Variants in SLC38A12 observed in about 807,000 individuals in gnomAD.
SLC38A12 encodes the protein solute carrier family 38 member 12.
the SLC38A12 span, chr17:74,838,589 A>C: frequency 1.6e-5 from 20 of 1,238,906 alleles, no homozygotes; most frequent in Middle Eastern, 3.3e-4. Context: ...CCTGGAGGGA[A>C]CTGGCCAGCA....
chr17:74,806,394 C>A, the SLC38A12 span, among the ~76,000 whole-genome samples: 1 of 152,180 alleles, frequency 6.6e-6, no homozygotes, highest in African/African-American at 2.4e-5. Flanking sequence ...TAATGCCGTG[C>A]ACCCATCCCC....
chr17:74,831,854 G>A, the SLC38A12 span, among the ~76,000 whole-genome samples: 1 of 152,258 alleles, frequency 6.6e-6, no homozygotes, highest in Admixed American at 6.5e-5. Flanking sequence ...CTTGGCGGCT[G>A]TGGCTGAGCC....
chr17:74,805,162 G>T, the SLC38A12 span, among the ~76,000 whole-genome samples: 1 of 152,258 alleles, frequency 6.6e-6, no homozygotes, highest in Non-Finnish European at 1.5e-5. The surrounding 1 kb of genome is among the most constrained non-coding windows in gnomAD (Gnocchi z 5.0). Context: ...GTCTCCCGGG[G>T]AGAGGCCTAC....
At chr17:74,838,656 T>A in the SLC38A12 span, 1 of 1,397,182 alleles carries the variant, frequency 7.2e-7, no homozygotes, top group South Asian at 1.5e-5. Context: ...GTCTAGCTGC[T>A]TTGCTCCTCA....
At chr17:74,780,046 G>A in the SLC38A12 span, among the ~76,000 whole-genome samples, 2 of 152,216 alleles carry the variant, frequency 1.3e-5, no homozygotes, top group South Asian at 4.1e-4. Context: ...AACTGAAGTG[G>A]TTGTTGTGTG....
At chr17:74,787,750 C>T in the SLC38A12 span, among the ~76,000 whole-genome samples, 1 of 151,810 alleles carries the variant, frequency 6.6e-6, no homozygotes, top group Non-Finnish European at 1.5e-5. Context: ...CCTCCGTTAA[C>T]AAAAGCATTC....
chr17:74,830,547 A>G, the SLC38A12 span, among the ~76,000 whole-genome samples: 1 of 152,178 alleles, frequency 6.6e-6, no homozygotes, highest in Non-Finnish European at 1.5e-5. Flanking sequence ...TTATAAGAAC[A>G]TATCTTGATG....
chr17:74,815,149 C>T, the SLC38A12 span, among the ~76,000 whole-genome samples: 2 of 152,124 alleles, frequency 1.3e-5, no homozygotes, highest in Non-Finnish European at 1.5e-5. Flanking sequence ...GTTTCCTCAT[C>T]AGTAAGATGA....
At chr17:74,839,361 C>T in the SLC38A12 span, 12 of 517,232 alleles carry the variant, frequency 2.3e-5, 1 homozygote, top group East Asian at 1.1e-4. Flanking sequence ...TCCTGGAAAG[C>T]CACTGCAGAG....
chr17:74,826,671 C>G, the SLC38A12 span, among the ~76,000 whole-genome samples: 4 of 152,062 alleles, frequency 2.6e-5, no homozygotes, highest in Non-Finnish European at 5.9e-5. Flanking sequence ...CCAAAGGGAG[C>G]TCCTCCCAGG....
At chr17:74,811,177 A>C in the SLC38A12 span, among the ~76,000 whole-genome samples, 1 of 152,118 alleles carries the variant, frequency 6.6e-6, no homozygotes, top group Admixed American at 6.5e-5. Context: ...AAAAAATACA[A>C]AAATTAGCGA....
At chr17:74,789,639 A>T in the SLC38A12 span, among the ~76,000 whole-genome samples, 1 of 151,052 alleles carries the variant, frequency 6.6e-6, no homozygotes, top group South Asian at 2.1e-4. Context: ...TGAGGTCAGG[A>T]GTTCAAGACC....
At chr17:74,785,557 G>A in the SLC38A12 span, 29 of 1,614,124 alleles carry the variant, frequency 1.8e-5, no homozygotes, top group Non-Finnish European at 1.9e-5. Flanking sequence ...CGCCACTGCC[G>A]GGTGGCTTGT....
At chr17:74,799,135 C>T in the SLC38A12 span, among the ~76,000 whole-genome samples, 1 of 152,264 alleles carries the variant, frequency 6.6e-6, no homozygotes, top group African/African-American at 2.4e-5. Flanking sequence ...CATCCCTCCT[C>T]CTAGAGAGAG....
the SLC38A12 span, chr17:74,839,435 CA>C: frequency 3.4e-6 from 1 of 292,440 alleles, no homozygotes; most frequent in Non-Finnish European, 6.5e-6. Context: ...GGCAGATTCC[CA>C]AGCAAGGGTG....
chr17:74,807,635 T>G, the SLC38A12 span, among the ~76,000 whole-genome samples: 1 of 152,314 alleles, frequency 6.6e-6, no homozygotes, highest in South Asian at 2.1e-4. Flanking sequence ...ACTTCTGTCT[T>G]TGGGGGGCAG....
chr17:74,791,928 C>T, the SLC38A12 span, among the ~76,000 whole-genome samples: 95 of 151,444 alleles, frequency 6.3e-4, 1 homozygote, highest in African/African-American at 1.9e-3. Context: ...AGGCGGCTCA[C>T]GAGGTGAGGA....
the SLC38A12 span, among the ~76,000 whole-genome samples, chr17:74,815,625 CAG>C: frequency 1.1e-4 from 17 of 152,198 alleles, no homozygotes; most frequent in Admixed American, 5.9e-4. Flanking sequence ...CAGAAGCACG[CAG>C]AGTCGGAGCC....
At chr17:74,816,228 G>T in the SLC38A12 span, among the ~76,000 whole-genome samples, 1 of 152,234 alleles carries the variant, frequency 6.6e-6, no homozygotes, top group Non-Finnish European at 1.5e-5. Flanking sequence ...TGCCTTGCAA[G>T]AGGGCACTTC....
Sources: gnomAD v4.1 joint callset for allele counts (sites outside exome capture counted in the v4.1 genomes callset) on GRCh38, gnomAD v4.1.1 for gene constraint, Gnocchi (gnomAD v3.1) non-coding constraint, MANE v1.5 for transcripts, NCBI Gene and HGNC (gene_info 2026-07-23, HGNC 2026-07-21) for gene names.